Variants in GRIK4 observed in about 807,000 individuals in gnomAD.
GRIK4 encodes glutamate ionotropic receptor kainate type subunit 4, also known as glutamate receptor ionotropic, kainate 4.
A neutral mutation model predicts 104.9 loss-of-function variants in GRIK4; 40 were observed. That is an observed-to-expected ratio of 0.38 (90% CI 0.30 to 0.50). The LOEUF (loss-of-function observed/expected upper bound fraction) is 0.50. Ranked by LOEUF, GRIK4 falls within the 20% of genes least tolerant of loss-of-function variation. GRIK4 has a pLI of 0.93. For synonymous variants in GRIK4, 485 were observed against 524.9 expected, an observed-to-expected ratio of 0.92 and a Z score of 1.04; for missense variants, 1,047 against 1,308.1, an observed-to-expected ratio of 0.80 and a Z score of 3.08.
intron 3 of GRIK4, among the ~76,000 whole-genome samples, chr11:120,668,722 A>G (rs1472743104): frequency 6.6e-6 from 1 of 152,228 alleles, no homozygotes; most frequent in Non-Finnish European, 1.5e-5. Context: ...AGCACAGTGC[A>G]CATATTAACA....
At chr11:120,582,009 G>A (rs1565559751) in intron 1 of GRIK4, among the ~76,000 whole-genome samples, 1 of 151,414 alleles carries the variant, frequency 6.6e-6, no homozygotes, top group Non-Finnish European at 1.5e-5. Flanking sequence ...GGGTTTCACT[G>A]TGTTAGCCAG....
intron 1 of GRIK4, among the ~76,000 whole-genome samples, chr11:120,579,933 A>G (rs997030084): frequency 6.6e-6 from 1 of 151,742 alleles, no homozygotes; most frequent in African/African-American, 2.4e-5. Flanking sequence ...CTTGGCGACC[A>G]CTGATCGTGT....
chr11:120,916,408 T>C (rs2134549224), intron 13 of GRIK4, among the ~76,000 whole-genome samples: 1 of 152,352 alleles, frequency 6.6e-6, no homozygotes, highest in African/African-American at 2.4e-5. Context: ...GACTTCTGAA[T>C]CGGGACAACC....
At chr11:120,578,482 A>C (rs188558011) in intron 1 of GRIK4, among the ~76,000 whole-genome samples, 378 of 152,330 alleles carry the variant, frequency 2.5e-3, no homozygotes, top group African/African-American at 7.9e-3. Context: ...GGTCCCATAA[A>C]AATGAGGATA....
intron 16 of GRIK4, among the ~76,000 whole-genome samples, chr11:120,959,855 A>C (rs1944249889): frequency 6.6e-6 from 1 of 152,236 alleles, no homozygotes; most frequent in Admixed American, 6.5e-5. Context: ...TACAATTTAC[A>C]GAACTGGTTT....
chr11:120,530,940 A>G (rs7120974), intron 1 of GRIK4, among the ~76,000 whole-genome samples: 4,721 of 152,220 alleles, frequency 0.031, 238 homozygotes, highest in African/African-American at 0.11. Flanking sequence ...GGTTCACAAA[A>G]AGGAGATCTG....
intron 3 of GRIK4, among the ~76,000 whole-genome samples, chr11:120,687,214 C>T (rs1049553179): frequency 6.6e-6 from 1 of 152,172 alleles, no homozygotes; most frequent in Non-Finnish European, 1.5e-5. Flanking sequence ...AGGAGTGAAG[C>T]GGGTTCCCCA....
intron 1 of GRIK4, among the ~76,000 whole-genome samples, chr11:120,517,531 G>A (rs762950828): frequency 4.7e-5 from 7 of 148,938 alleles, no homozygotes; most frequent in Non-Finnish European, 7.4e-5. Context: ...TTGGAGAGCA[G>A]GGAGACCCAA....
Position 120,986,307 on chromosome 11 carries a change from A to AGGGGAGGGGCGGGGC in GRIK4, c.*51_*52insAGGGGCGGGGCGGGG, listed in dbSNP as rs1555108864. The AGGGGAGGGGCGGGGC allele has an allele frequency of 1.7e-4, 91 of 536,810 alleles. No homozygotes were observed. In the African/African-American group the frequency reaches 1.9e-3, roughly 11 times the overall value. 33.3% of individuals were successfully genotyped at this position (536,810 alleles called of 1,614,324 possible). ...CAGAGGCCGGGCGGGGCGGGAGGGGAGGGGCGGGGCGGGCGCTGCTGTCAG... is the reference window on the plus strand; with the variant it reads ...CAGAGGCCGGGCGGGGCGGGAGGGGAGGGGAGGGGCGGGGCGGGGCGGGGCGGGCGCTGCTGTCAG... On this transcript the variant is annotated 3_prime_UTR_variant, in exon 21 of 21. Coordinates refer to ENST00000527524, the MANE Select transcript of GRIK4 (RefSeq NM_014619.5).
At chr11:120,787,357 G>A in intron 3 of GRIK4, among the ~76,000 whole-genome samples, 1 of 151,846 alleles carries the variant, frequency 6.6e-6, no homozygotes, top group Non-Finnish European at 1.5e-5. Flanking sequence ...ACAAAACATA[G>A]TGTTTGTGAA....
chr11:120,984,820 C>CTT (rs569201252), intron 20 of GRIK4, among the ~76,000 whole-genome samples: 12 of 115,796 alleles, frequency 1.0e-4, no homozygotes, highest in East Asian at 2.6e-4. Flanking sequence ...CATCTATATT[C>CTT]TTTTTTTTTT....
intron 1 of GRIK4, among the ~76,000 whole-genome samples, chr11:120,554,810 T>C (rs1263218053): frequency 6.6e-6 from 1 of 152,170 alleles, no homozygotes; most frequent in African/African-American, 2.4e-5. Context: ...CTGCCTGCCT[T>C]GGCCTCCCAA....
intron 3 of GRIK4, among the ~76,000 whole-genome samples, chr11:120,778,311 C>T (rs1952083204): frequency 6.6e-6 from 1 of 152,198 alleles, no homozygotes; most frequent in Non-Finnish European, 1.5e-5. Flanking sequence ...GGGACTCTAA[C>T]AAACTTCCAG....
At chr11:120,962,237 T>C (rs938526089) in intron 17 of GRIK4, among the ~76,000 whole-genome samples, 2 of 152,190 alleles carry the variant, frequency 1.3e-5, no homozygotes, top group African/African-American at 4.8e-5. Context: ...CTCATCTTTC[T>C]ATAAAAGGTA....
At chr11:120,685,934 G>A (rs189802364) in intron 3 of GRIK4, among the ~76,000 whole-genome samples, 5 of 152,156 alleles carry the variant, frequency 3.3e-5, no homozygotes, top group African/African-American at 1.2e-4. Flanking sequence ...CATCTGCAGC[G>A]CTACCTCTCT....
intron 3 of GRIK4, among the ~76,000 whole-genome samples, chr11:120,791,615 A>C (rs544221147): frequency 6.6e-6 from 1 of 152,174 alleles, no homozygotes; most frequent in Admixed American, 6.5e-5. Flanking sequence ...GATGACGTCT[A>C]CTTTACCAAT....
At chr11:120,878,237 G>A (rs1404852646) in intron 11 of GRIK4, among the ~76,000 whole-genome samples, 18 of 152,186 alleles carry the variant, frequency 1.2e-4, no homozygotes, top group South Asian at 2.1e-4. Context: ...CAGGATGACC[G>A]AGAGTGCTTC....
intron 4 of GRIK4, among the ~76,000 whole-genome samples, chr11:120,805,790 C>G (rs1565363244): frequency 6.6e-6 from 1 of 152,166 alleles, no homozygotes; most frequent in Admixed American, 6.5e-5. Context: ...CGCCTACCAC[C>G]TGTTGGCTAT....
chr11:120,780,783 C>T (rs1309917645), intron 3 of GRIK4, among the ~76,000 whole-genome samples: 1 of 152,072 alleles, frequency 6.6e-6, no homozygotes, highest in African/African-American at 2.4e-5. Context: ...GCTCTGTTGA[C>T]CAGGCTGGAG....
Sources: allele counts gnomAD v4.1 joint callset (sites outside exome capture counted in the v4.1 genomes callset), GRCh38; gene constraint gnomAD v4.1.1; transcripts MANE v1.5; gene names NCBI Gene and HGNC (gene_info 2026-07-23, HGNC 2026-07-21).